PLXNA4: variants seen among roughly 807,000 people sequenced by gnomAD.
The protein encoded by PLXNA4 is plexin-A4.
In PLXNA4, 44 loss-of-function variants were observed where a neutral mutation model predicts 191.8. The ratio of observed to expected loss-of-function variants is 0.23; its 90% CI spans 0.18 to 0.29. The LOEUF is 0.29. Ranked by LOEUF, PLXNA4 falls within the 10% of genes least tolerant of loss-of-function variation. The pLI is 1.00. For synonymous variants in PLXNA4, 1,082 were observed against 1,009.5 expected (o/e 1.07, Z -1.36); for missense variants, 1,800 against 2,488.8 (o/e 0.72, Z 5.89).
intron 1 of PLXNA4, among the ~76,000 whole-genome samples, chr7:132,550,675 G>T (rs1446958687): frequency 1.3e-5 from 2 of 152,162 alleles, no homozygotes. Flanking sequence ...CCTCCCTCAA[G>T]GCTTCTGTCT....
At chr7:132,499,874 A>T (rs552800371) in intron 2 of PLXNA4, among the ~76,000 whole-genome samples, 22 of 152,306 alleles carry the variant, frequency 1.4e-4, no homozygotes, top group African/African-American at 5.3e-4. Flanking sequence ...CAGTAATGGC[A>T]CAGAGACCAG....
At chr7:132,639,418 T>C (rs1803672253) in intron 2 of PLXNA4, among the ~76,000 whole-genome samples, 1 of 152,180 alleles carries the variant, frequency 6.6e-6, no homozygotes. Context: ...CATGACCATG[T>C]ATACACTGAC....
At chr7:132,524,175 C>A (rs1223397447) in intron 1 of PLXNA4, among the ~76,000 whole-genome samples, 4 of 152,134 alleles carry the variant, frequency 2.6e-5, no homozygotes, top group African/African-American at 9.7e-5. Flanking sequence ...CTGTGACGGC[C>A]CCTGGGTAGA....
At chr7:132,161,757 G>A (rs955470296) in intron 24 of PLXNA4, among the ~76,000 whole-genome samples, 3 of 151,898 alleles carry the variant, frequency 2.0e-5, no homozygotes, top group Admixed American at 6.6e-5. Flanking sequence ...GGCACCTAGC[G>A]CTCTGGCAAG....
intron 4 of PLXNA4, among the ~76,000 whole-genome samples, chr7:132,292,566 G>A (rs1800932322): frequency 6.6e-6 from 1 of 152,196 alleles, no homozygotes. Flanking sequence ...TGCTCTCAAA[G>A]AAGGGCTGCT....
At chr7:132,599,356 A>G (rs1802774571) in intron 2 of PLXNA4, among the ~76,000 whole-genome samples, 1 of 152,312 alleles carries the variant, frequency 6.6e-6, no homozygotes, top group East Asian at 1.9e-4. Flanking sequence ...TTAAAAATCT[A>G]TATTTGAGCA....
chr7:132,563,211 C>T (rs1382502044), intron 1 of PLXNA4, among the ~76,000 whole-genome samples: 2 of 111,866 alleles, frequency 1.8e-5, no homozygotes, highest in African/African-American at 3.4e-5. Context: ...TCCTCCTCCT[C>T]CTCCTCCTTC....
At chr7:132,137,601 T>C (rs1795149234) in intron 30 of PLXNA4, among the ~76,000 whole-genome samples, 1 of 152,108 alleles carries the variant, frequency 6.6e-6, no homozygotes, top group South Asian at 2.1e-4. Context: ...AAGCAAAAGC[T>C]TAAATTCTTG....
intron 12 of PLXNA4, among the ~76,000 whole-genome samples, chr7:132,200,293 G>T (rs556920916): frequency 1.8e-4 from 27 of 152,232 alleles, no homozygotes; most frequent in Middle Eastern, 3.4e-3. Context: ...ACTGCCATGC[G>T]CAGCAGCCCC....
intron 1 of PLXNA4, among the ~76,000 whole-genome samples, chr7:132,562,897 TCC>T (rs1202478031): frequency 9.4e-6 from 1 of 106,598 alleles, no homozygotes; most frequent in African/African-American, 4.0e-5. Flanking sequence ...TGCCTCCTTC[TCC>T]CCCTCCTCCT....
chr7:132,363,079 T>C (rs9969373), intron 3 of PLXNA4, among the ~76,000 whole-genome samples: 1 of 151,988 alleles, frequency 6.6e-6, no homozygotes, highest in African/African-American at 2.4e-5. Context: ...CTGCCTCCCA[T>C]GTTCAAGTGA....
chr7:132,213,597 T>C (rs1797871686), intron 9 of PLXNA4, among the ~76,000 whole-genome samples: 2 of 152,166 alleles, frequency 1.3e-5, no homozygotes, highest in Non-Finnish European at 1.5e-5. Flanking sequence ...GGTGGGAATG[T>C]GGCACACAGA....
chr7:132,609,767 T>C (rs1668710407), intron 2 of PLXNA4, among the ~76,000 whole-genome samples: 1 of 152,220 alleles, frequency 6.6e-6, no homozygotes, highest in Non-Finnish European at 1.5e-5. Context: ...TTCTTCCCGC[T>C]ACACTGGGCT....
At chr7:132,145,547 G>A (rs1795395122) in intron 28 of PLXNA4, 2 of 486,548 alleles carry the variant, frequency 4.1e-6, no homozygotes, top group South Asian at 2.4e-5. Context: ...CAACAACACG[G>A]TTTGGTTGAA....
At chr7:132,282,107 A>T (rs1800499203) in intron 4 of PLXNA4, among the ~76,000 whole-genome samples, 1 of 152,220 alleles carries the variant, frequency 6.6e-6, no homozygotes, top group Admixed American at 6.5e-5. Flanking sequence ...GCTAGTATCA[A>T]CACTATATTA....
intron 4 of PLXNA4, among the ~76,000 whole-genome samples, chr7:132,242,685 C>A (rs140894281): frequency 6.6e-6 from 1 of 152,210 alleles, no homozygotes; most frequent in Non-Finnish European, 1.5e-5. Context: ...CCTTGGTGGC[C>A]CTTCCTCCAC....
chr7:132,232,484 G>C (rs1798557052), intron 5 of PLXNA4, among the ~76,000 whole-genome samples: 2 of 152,228 alleles, frequency 1.3e-5, no homozygotes, highest in South Asian at 4.2e-4. Flanking sequence ...CCTAGAGCTG[G>C]AGTCCCTCCC....
At chr7:132,230,670 A>G (rs1369632784) in intron 5 of PLXNA4, among the ~76,000 whole-genome samples, 1 of 152,174 alleles carries the variant, frequency 6.6e-6, no homozygotes, top group African/African-American at 2.4e-5. Flanking sequence ...AATGTTATGG[A>G]CTTTTCCAGA....
chr7:132,642,719 A>G (rs1286145692), intron 2 of PLXNA4, among the ~76,000 whole-genome samples: 1 of 152,130 alleles, frequency 6.6e-6, no homozygotes, highest in African/African-American at 2.4e-5. Flanking sequence ...AAAGATTACA[A>G]ACAATCTCAA....
Sources: gnomAD v4.1 joint callset for allele counts (sites outside exome capture counted in the v4.1 genomes callset) on GRCh38, gnomAD v4.1.1 for gene constraint, MANE v1.5 for transcripts, NCBI Gene and HGNC (gene_info 2026-07-23, HGNC 2026-07-21) for gene names.